NLRP8: variants seen among roughly 807,000 people sequenced by gnomAD.
NLRP8 encodes the protein NACHT, LRR and PYD domains-containing protein 8.
A neutral mutation model predicts 88.7 loss-of-function variants in NLRP8; 86 were observed. The observed-to-expected ratio is 0.97, with a 90% CI of 0.81 to 1.16. The LOEUF is 1.16. Ranked by LOEUF, NLRP8 falls within the 50% of genes most tolerant of loss-of-function variation. The pLI, the probability that NLRP8 is intolerant of heterozygous loss-of-function variation, is 0.00. For missense variants in NLRP8, 1,342 were observed against 1,286.5 expected (o/e 1.04, Z -0.66); for synonymous variants, 504 against 494.6 (o/e 1.02, Z -0.25).
chr19:55,977,718 A>T (rs1980410906), intron 8 of NLRP8, among the ~76,000 whole-genome samples: 1 of 150,344 alleles, frequency 6.7e-6, no homozygotes, highest in Admixed American at 6.8e-5. Context: ...TCCTCTCATG[A>T]TCAAAAAATG....
chr19:55,963,960 T>C (rs427982), intron 4 of NLRP8, among the ~76,000 whole-genome samples: 84,267 of 152,008 alleles, frequency 0.55, 23,412 homozygotes, highest in East Asian at 0.63. Flanking sequence ...TCCCAAGCAG[T>C]AGGTGTCCCT....
At chr19:55,973,365 G>T (rs113684656) in intron 6 of NLRP8, among the ~76,000 whole-genome samples, 4 of 152,130 alleles carry the variant, frequency 2.6e-5, no homozygotes, top group African/African-American at 4.8e-5. Context: ...AGATTGTAAA[G>T]ATTTTCTCCC....
chr19:55,978,829 T>C (rs1600316375), intron 8 of NLRP8, among the ~76,000 whole-genome samples: 1 of 151,968 alleles, frequency 6.6e-6, no homozygotes, highest in South Asian at 2.1e-4. Flanking sequence ...GGCTACTAGG[T>C]AGTAGGATTG....
Position 55,954,499 on chromosome 19 carries a change from A to G in NLRP8, c.443-2A>G. On this transcript the variant is annotated splice_acceptor_variant, in intron 2 of 9. Coordinates refer to ENST00000291971, the MANE Select transcript of NLRP8 (RefSeq NM_176811.2). LOFTEE classifies it high-confidence loss of function. ...TTTATTTCTCCCATCTCACAAATCT[A>G]GGTAAAATACGGCGGTATAAATCGA... 1 of 1,611,788 alleles carries G rather than the reference A, an allele frequency of 6.2e-7. No homozygotes were observed. Among genetic ancestry groups the G allele is most frequent in the Non-Finnish European group, 8.5e-7 (1 of 1,178,758 alleles).
chr19:55,961,408 TA>T (rs1979603581), intron 3 of NLRP8, among the ~76,000 whole-genome samples: 1 of 152,216 alleles, frequency 6.6e-6, no homozygotes, highest in African/African-American at 2.4e-5. Flanking sequence ...TCTGATCCTA[TA>T]TTTTTTTAAA....
chr19:55,964,547 T>A (rs1979753214), intron 4 of NLRP8, among the ~76,000 whole-genome samples: 1 of 151,960 alleles, frequency 6.6e-6, no homozygotes, highest in Non-Finnish European at 1.5e-5. Context: ...AGCTCAGGAG[T>A]TCGTGACCAG....
intron 7 of NLRP8, among the ~76,000 whole-genome samples, chr19:55,974,758 A>G (rs1294759705): frequency 1.3e-5 from 2 of 151,466 alleles, no homozygotes; most frequent in African/African-American, 2.4e-5. Context: ...AAAGAAAGAA[A>G]AAAGGCCCAT....
rs532730508 is a variant in NLRP8 at position 55,979,255 on chromosome 19, A to C, written c.2877-139A>C. The stretch of plus-strand genomic sequence containing the variant: ...GGACACAAAGAAACTGATTGACTAT[A>C]GGTGAATAGACCATAGTTGGAACAA... On this transcript the variant is annotated intron_variant, in intron 8 of 9. Coordinates refer to ENST00000291971, the MANE Select transcript of NLRP8 (RefSeq NM_176811.2). 1.0e-5 allele frequency: 9 copies of C among 873,722 alleles called. No homozygotes were observed. In the East Asian group the frequency reaches 1.9e-4, roughly 19 times the overall value. The allele number at this position is 873,722 out of a possible 1,614,324, so 54.1% of individuals were successfully genotyped here.
At chr19:55,982,840 G>A (rs555131921) in intron 9 of NLRP8, among the ~76,000 whole-genome samples, 34 of 152,232 alleles carry the variant, frequency 2.2e-4, no homozygotes, top group Middle Eastern at 3.4e-3. Context: ...CAGCTATTTG[G>A]GGGGCTGAAG....
Position 55,976,243 on chromosome 19 carries a change from A to G in NLRP8, c.2816A>G (p.Asp939Gly), listed in dbSNP as rs1426449376. 1.2e-6 allele frequency: 2 copies of G among 1,613,816 alleles called. No homozygotes were observed. The highest frequency in any genetic ancestry group is 1.3e-5 in the African/African-American group (1 of 75,004). ...CTAAGTTTTAATAGCCTGAAGGATG[A>G]TGGGGTGATCCTGCTGTGTGAGGCC... Residue 939 changes from aspartate to glycine, a missense_variant, in exon 8 of 10, where the codon GAT (aspartate) becomes GGT (glycine). Asp to Gly is a moderately conservative substitution (Grantham distance 94). Coordinates refer to ENST00000291971, the MANE Select transcript of NLRP8 (RefSeq NM_176811.2).
chr19:55,949,724 A>T (rs961304320), intron 1 of NLRP8, among the ~76,000 whole-genome samples: 2 of 143,484 alleles, frequency 1.4e-5, no homozygotes, highest in African/African-American at 5.2e-5. Context: ...TGATATTACA[A>T]GTAGTCAGTC....
chr19:55,987,995 T>C lies in NLRP8; in HGVS notation c.*82T>C. The stretch of plus-strand genomic sequence containing the variant: ...GCAAATACCAGGCGTTATCATCCTG[T>C]ATGCATTAACGTACTTTCCCCTGAA... On this transcript the variant is annotated 3_prime_UTR_variant, in exon 10 of 10. Coordinates refer to ENST00000291971, the MANE Select transcript of NLRP8 (RefSeq NM_176811.2). 9.5e-7 allele frequency: 1 copy of C among 1,052,654 alleles called. No homozygotes were observed. Among genetic ancestry groups the C allele is most frequent in the Non-Finnish European group, 1.5e-6 (1 of 678,954 alleles). 65.2% of individuals were successfully genotyped at this position (1,052,654 alleles called of 1,614,324 possible). A position where few individuals can be genotyped will look rare whatever the true frequency, so the allele number is the denominator to read the frequency against.
At chr19:55,950,486 T>G (rs1352676291) in intron 1 of NLRP8, among the ~76,000 whole-genome samples, 1 of 151,946 alleles carries the variant, frequency 6.6e-6, no homozygotes, top group African/African-American at 2.4e-5. Flanking sequence ...TGTTCATGGA[T>G]TCTGTATTCG....
At chr19:55,975,983 CA>C (rs1457052301) in intron 7 of NLRP8, 149 bp from the exon 8 acceptor site, 1 of 756,964 alleles carries the variant, frequency 1.3e-6, no homozygotes, top group African/African-American at 1.8e-5. Flanking sequence ...TGCCATTATG[CA>C]AAAACAAAAA....
intron 9 of NLRP8, among the ~76,000 whole-genome samples, chr19:55,983,861 A>G (rs1568470609): frequency 1.3e-5 from 2 of 150,884 alleles, no homozygotes; most frequent in African/African-American, 2.4e-5. Context: ...TTCAACATCA[A>G]TTTGCAATTT....
intron 6 of NLRP8, among the ~76,000 whole-genome samples, chr19:55,972,594 C>T (rs929054465): frequency 6.6e-6 from 1 of 151,946 alleles, no homozygotes; most frequent in Admixed American, 6.6e-5. Flanking sequence ...CACCCTTTCC[C>T]CCAAGTCCCC....
intron 6 of NLRP8, among the ~76,000 whole-genome samples, chr19:55,971,848 T>C (rs1980088210): frequency 6.6e-6 from 1 of 152,218 alleles, no homozygotes; most frequent in African/African-American, 2.4e-5. Flanking sequence ...TTGTTGTTAC[T>C]GTTATTGCCA....
chr19:55,964,889 C>T (rs182945125), intron 4 of NLRP8, among the ~76,000 whole-genome samples: 36 of 152,126 alleles, frequency 2.4e-4, no homozygotes, highest in Non-Finnish European at 4.9e-4. Context: ...ATCGATTATA[C>T]CTCAAGGAAA....
chr19:55,966,213 C>T lies in NLRP8; in HGVS notation c.2214C>T (p.Leu738=). ...CAAGGAGACGCTCTTCCCTCTCCAGCCTAAGGCGTGTGAATAGCACCATGT... is the reference window on the plus strand; with the variant it reads ...CAAGGAGACGCTCTTCCCTCTCCAGTCTAAGGCGTGTGAATAGCACCATGT... The change falls in exon 5 of 10, where the codon CTC becomes CTT. Residue 738 remains leucine, a splice_region_variant and synonymous_variant. Coordinates refer to ENST00000291971, the MANE Select transcript of NLRP8 (RefSeq NM_176811.2). 3 of 1,613,822 alleles carry T rather than the reference C, an allele frequency of 1.9e-6. No individual in the cohort carries two copies. In the African/African-American group the frequency reaches 4.0e-5, roughly 22 times the overall value.
Sources: gnomAD v4.1 joint callset for allele counts (sites outside exome capture counted in the v4.1 genomes callset) on GRCh38, gnomAD v4.1.1 for gene constraint, MANE v1.5 for transcripts, NCBI Gene and HGNC (gene_info 2026-07-23, HGNC 2026-07-21) for gene names.